CECR2: variants seen among roughly 807,000 people sequenced by gnomAD.
CECR2 encodes CECR2 histone acetyl-lysine reader, also known as chromatin remodeling regulator CECR2.
CECR2 carries 30 observed loss-of-function variants against 154.5 expected under a neutral mutation model. The observed-to-expected ratio is 0.19, with a 90% CI of 0.15 to 0.26. The LOEUF (loss-of-function observed/expected upper bound fraction) is 0.26, where lower values mean the gene tolerates loss of function less well. Ranked by LOEUF, CECR2 falls within the 10% of genes least tolerant of loss-of-function variation. The pLI is 1.00. For synonymous variants in CECR2, 725 were observed against 683.7 expected, an observed-to-expected ratio of 1.06 and a Z score of -0.94; for missense variants, 1,743 against 1,829.3, an observed-to-expected ratio of 0.95 and a Z score of 0.86.
intron 16 of CECR2, among the ~76,000 whole-genome samples, chr22:17,546,624 C>G (rs1044085606): frequency 6.6e-6 from 1 of 152,124 alleles, no homozygotes; most frequent in Non-Finnish European, 1.5e-5. Context: ...CTTCAAGTAG[C>G]CTGAGCTATG....
intron 9 of CECR2, among the ~76,000 whole-genome samples, chr22:17,535,621 G>A (rs1601530984): frequency 6.6e-6 from 1 of 151,654 alleles, no homozygotes; most frequent in Non-Finnish European, 1.5e-5. Flanking sequence ...TTGACAGGTT[G>A]GGTGATACAT....
At chr22:17,514,757 G>A (rs2056019972) in intron 8 of CECR2, among the ~76,000 whole-genome samples, 1 of 152,166 alleles carries the variant, frequency 6.6e-6, no homozygotes, top group African/African-American at 2.4e-5. Flanking sequence ...TTGTGGGCCA[G>A]GCGCGGTGGC....
chr22:17,398,857 T>C (rs1052241677), intron 1 of CECR2, among the ~76,000 whole-genome samples: 5 of 152,192 alleles, frequency 3.3e-5, no homozygotes, highest in African/African-American at 7.2e-5. Flanking sequence ...TTTTATGAGA[T>C]AATTGAGGCT....
intron 1 of CECR2, among the ~76,000 whole-genome samples, chr22:17,463,354 C>G (rs547005056): frequency 1.3e-5 from 2 of 149,730 alleles, no homozygotes; most frequent in Non-Finnish European, 2.9e-5. Flanking sequence ...CTCTGACTCA[C>G]GTTTCGAAGG....
At chr22:17,526,808 CAAAAAAAAAAAAA>C in intron 9 of CECR2, among the ~76,000 whole-genome samples, 1 of 71,676 alleles carries the variant, frequency 1.4e-5, no homozygotes, top group South Asian at 6.4e-4. Context: ...GACTCCATCT[CAAAAAAAAAAAAA>C]AAAAAAAAAG....
intron 7 of CECR2, among the ~76,000 whole-genome samples, chr22:17,505,976 C>A (rs549593214): frequency 2.0e-5 from 3 of 151,262 alleles, no homozygotes; most frequent in South Asian, 4.2e-4. Context: ...TCCCAAGTAG[C>A]TGGGGACACA....
intron 1 of CECR2, among the ~76,000 whole-genome samples, chr22:17,432,928 TTGA>T (rs2054448464): frequency 1.3e-5 from 2 of 152,352 alleles, no homozygotes; most frequent in African/African-American, 4.8e-5. Context: ...CATGTCAGTA[TTGA>T]TGACAGTCAG....
intron 1 of CECR2, among the ~76,000 whole-genome samples, chr22:17,416,909 C>G (rs2054163778): frequency 6.6e-6 from 1 of 152,110 alleles, no homozygotes; most frequent in African/African-American, 2.4e-5. Context: ...CCATTGGATA[C>G]CAAATGTGCA....
In CECR2 at chr22:17,540,670, C is replaced by T. The variant is rs1375473684; in HGVS notation, c.1754C>T (p.Ser585Phe). 5 of 1,614,006 alleles carry T rather than the reference C, an allele frequency of 3.1e-6. No individual in the cohort carries two copies. Among genetic ancestry groups the T allele is most frequent in the Non-Finnish European group, 3.4e-6 (4 of 1,179,884 alleles). The change falls in exon 14 of 19, where the codon TCT (serine) becomes TTT (phenylalanine). Residue 585 changes from serine to phenylalanine, a missense_variant. By Grantham distance (155) the Ser-to-Phe change is radical (BLOSUM62 -2). Transcript: ENST00000262608. The part of the protein sequence containing the change: ...KSLPPTRRAP[S>F]SGDDQSSSST... ...TTGCCCCCCACACGCCGAGCGCCCT[C>T]TTCTGGGGACGATCAGAGCAGCAGC...
chr22:17,552,095 CAGG>C lies in CECR2; in HGVS notation c.4349_4351del (p.Glu1450del). On this transcript the variant is annotated inframe_deletion, in exon 18 of 19. Coordinates refer to ENST00000262608, the MANE Select transcript of CECR2 (RefSeq NM_001290047.2). ...AAAGACCCCCACAGCAGCAACATCA[CAGG>C]AGGAGGTGCCGCCTCATAAGCCTCC... 1 of 1,614,002 alleles carries C rather than the reference CAGG, an allele frequency of 6.2e-7. No homozygotes were observed.
At chr22:17,430,262 A>G (rs779027558) in intron 1 of CECR2, among the ~76,000 whole-genome samples, 10 of 152,134 alleles carry the variant, frequency 6.6e-5, no homozygotes, top group Non-Finnish European at 2.9e-5. Flanking sequence ...CACATAACCT[A>G]TACCCGCATT....
intron 1 of CECR2, among the ~76,000 whole-genome samples, chr22:17,401,568 T>A (rs1012440674): frequency 3.3e-5 from 5 of 152,136 alleles, no homozygotes; most frequent in Non-Finnish European, 5.9e-5. Context: ...ACATGAGATA[T>A]ACGCTCTTTT....
intron 18 of CECR2, 44 bp from the exon 19 acceptor site, chr22:17,552,791 A>C: frequency 1.4e-6 from 1 of 731,262 alleles, no homozygotes. Context: ...TTTTTTTAAC[A>C]ACCCAATTTT....
At chr22:17,378,453 C>T (rs559197527) in intron 1 of CECR2, among the ~76,000 whole-genome samples, 1 of 151,798 alleles carries the variant, frequency 6.6e-6, no homozygotes, top group East Asian at 1.9e-4. Flanking sequence ...CCCACCACCA[C>T]GCCTGGCTAA....
chr22:17,492,589 G>A (rs1352326667), intron 2 of CECR2, among the ~76,000 whole-genome samples: 1 of 151,934 alleles, frequency 6.6e-6, no homozygotes, highest in Non-Finnish European at 1.5e-5. Context: ...CACTCATAGA[G>A]GGAAAAAAAG....
At chr22:17,514,169 T>C (rs189716661) in intron 8 of CECR2, among the ~76,000 whole-genome samples, 2 of 152,212 alleles carry the variant, frequency 1.3e-5, no homozygotes, top group Admixed American at 1.3e-4. Context: ...AAAATATCAG[T>C]GAGGGGAGAC....
intron 9 of CECR2, among the ~76,000 whole-genome samples, chr22:17,525,560 C>T (rs181115436): frequency 7.2e-5 from 11 of 152,190 alleles, no homozygotes; most frequent in Admixed American, 2.0e-4. Flanking sequence ...GAGCCGAGAT[C>T]GTGCTACTGC....
chr22:17,488,392 A>G (rs894915212), intron 2 of CECR2, among the ~76,000 whole-genome samples: 17 of 152,214 alleles, frequency 1.1e-4, no homozygotes, highest in Non-Finnish European at 2.4e-4. Context: ...CATAGTCACT[A>G]TCCTACTGAA....
intron 14 of CECR2, 88 bp from the exon 15 acceptor site, chr22:17,541,751 A>G: frequency 6.8e-7 from 1 of 1,463,126 alleles, no homozygotes; most frequent in South Asian, 1.4e-5. Context: ...ATTTTAGTAG[A>G]ACGTTCATCT....
Sources: gnomAD v4.1 joint callset for allele counts (sites outside exome capture counted in the v4.1 genomes callset) on GRCh38, gnomAD v4.1.1 for gene constraint, MANE v1.5 for transcripts, NCBI Gene and HGNC (gene_info 2026-07-23, HGNC 2026-07-21) for gene names.